IGSF11: variants seen among roughly 807,000 people sequenced by gnomAD.
IGSF11 encodes the protein immunoglobulin superfamily member 11.
Under a neutral mutation model 41.0 loss-of-function variants are expected in IGSF11, and 22 were observed. The observed-to-expected ratio is 0.54, with a 90% CI of 0.38 to 0.77. The LOEUF (loss-of-function observed/expected upper bound fraction) is 0.77, where lower values mean the gene tolerates loss of function less well. Ranked by LOEUF, IGSF11 falls within the 30% of genes least tolerant of loss-of-function variation. The pLI, the probability that IGSF11 is intolerant of heterozygous loss-of-function variation, is 0.00. For synonymous variants in IGSF11, 219 were observed against 201.3 expected (o/e 1.09, Z -0.74); for missense variants, 444 against 530.8 (o/e 0.84, Z 1.61).
At chr3:118,928,465 T>C in intron 3 of IGSF11, 44 bp downstream of exon 3, 1 of 1,491,868 alleles carries the variant, frequency 6.7e-7, no homozygotes, top group Non-Finnish European at 9.3e-7. Context: ...GAGAGTAGCT[T>C]CGTGAGTAAA....
At chr3:119,052,071 T>A (rs370567520) in intron 1 of IGSF11, among the ~76,000 whole-genome samples, 3 of 151,272 alleles carry the variant, frequency 2.0e-5, no homozygotes, top group South Asian at 4.2e-4. Flanking sequence ...CTCAAGGAAC[T>A]AGAAAAAAAG....
intron 1 of IGSF11, among the ~76,000 whole-genome samples, chr3:119,104,163 C>A (rs2076982367): frequency 6.6e-6 from 1 of 152,176 alleles, no homozygotes; most frequent in African/African-American, 2.4e-5. Flanking sequence ...TTGCCAATTA[C>A]AACCAGCATG....
chr3:119,030,428 C>A (rs1940287964), intron 1 of IGSF11, among the ~76,000 whole-genome samples: 1 of 152,098 alleles, frequency 6.6e-6, no homozygotes, highest in African/African-American at 2.4e-5. Flanking sequence ...AATTTTCTCT[C>A]TGTGGCTTAC....
Position 118,956,551 on chromosome 3 carries a change from G to T in IGSF11, c.53-26276C>A, listed in dbSNP as rs142799908. 3.3e-5 allele frequency among the ~76,000 whole-genome samples: 5 copies of T among 152,318 alleles called. No individual in the cohort carries two copies. In the East Asian group the frequency reaches 9.6e-4, roughly 29 times the overall value. ...TTTGTCTCAGGGAACAGGCAGGACA[G>T]AGGGGAGAAAGACAGGCAAACAGCT... On this transcript the variant is annotated intron_variant, in intron 1 of 6. Coordinates refer to ENST00000393775, the MANE Select transcript of IGSF11 (RefSeq NM_001015887.3).
chr3:119,009,590 C>T (rs1001570605), intron 1 of IGSF11, among the ~76,000 whole-genome samples: 1 of 152,196 alleles, frequency 6.6e-6, no homozygotes, highest in South Asian at 2.1e-4. Flanking sequence ...GCCTCCCAAG[C>T]AATGTGGAAC....
chr3:119,009,682 T>A (rs1937865231), intron 1 of IGSF11, among the ~76,000 whole-genome samples: 1 of 152,196 alleles, frequency 6.6e-6, no homozygotes, highest in African/African-American at 2.4e-5. Flanking sequence ...ACGAATACAA[T>A]GATCAACAGG....
chr3:118,934,524 T>G (rs1414774627), intron 1 of IGSF11, among the ~76,000 whole-genome samples: 1 of 152,188 alleles, frequency 6.6e-6, no homozygotes, highest in South Asian at 2.1e-4. Context: ...CCATCATGAA[T>G]TCAATTCTCA....
At chr3:118,947,908 TA>T (rs1944279729) in intron 1 of IGSF11, 2 of 152,234 alleles carry the variant, frequency 1.3e-5, no homozygotes, top group Non-Finnish European at 2.9e-5. Flanking sequence ...TTATACAGAT[TA>T]TTAAATATAG....
chr3:119,131,625 C>T (rs977536396), intron 1 of IGSF11, among the ~76,000 whole-genome samples: 1 of 152,204 alleles, frequency 6.6e-6, no homozygotes, highest in Non-Finnish European at 1.5e-5. Flanking sequence ...AGAAAACACT[C>T]TTCAGGATAT....
intron 1 of IGSF11, among the ~76,000 whole-genome samples, chr3:119,094,218 CGAAGTAAA>C (rs2076809896): frequency 7.5e-5 from 1 of 13,398 alleles, no homozygotes; most frequent in South Asian, 2.8e-3. Context: ...GACTACATAG[CGAAGTAAA>C]AAAAAAAAAA....
At chr3:119,004,055 T>C (rs1476589409) in intron 1 of IGSF11, among the ~76,000 whole-genome samples, 21 of 151,978 alleles carry the variant, frequency 1.4e-4, no homozygotes, top group Non-Finnish European at 8.8e-5. Flanking sequence ...TTCCTCCTTG[T>C]ACCTCTGGTA....
At chr3:118,968,577 G>A (rs1348169824) in intron 1 of IGSF11, among the ~76,000 whole-genome samples, 1 of 152,078 alleles carries the variant, frequency 6.6e-6, no homozygotes, top group Non-Finnish European at 1.5e-5. Flanking sequence ...GTCAAAAAGG[G>A]GATCCTAATT....
intron 1 of IGSF11, among the ~76,000 whole-genome samples, chr3:119,088,977 T>C (rs566542797): frequency 1.3e-5 from 2 of 152,218 alleles, no homozygotes; most frequent in South Asian, 2.1e-4. Flanking sequence ...TAAAAAGTCC[T>C]AGACCGGATG....
intron 5 of IGSF11, among the ~76,000 whole-genome samples, 191 bp from the exon 6 acceptor site, chr3:118,904,989 C>A (rs918541539): frequency 1.8e-4 from 27 of 152,282 alleles, no homozygotes; most frequent in Middle Eastern, 3.4e-3. Context: ...AGGACTAACA[C>A]ATAGTAGGCT....
At chr3:118,944,090 A>C (rs1943924831) in intron 1 of IGSF11, among the ~76,000 whole-genome samples, 1 of 152,200 alleles carries the variant, frequency 6.6e-6, no homozygotes, top group Admixed American at 6.5e-5. Flanking sequence ...CACTATTTTT[A>C]AAATTTTTCT....
intron 1 of IGSF11, among the ~76,000 whole-genome samples, chr3:119,001,004 C>CTGTT (rs1936769359): frequency 6.6e-6 from 1 of 152,108 alleles, no homozygotes; most frequent in Admixed American, 6.6e-5. Context: ...CCTATTCTGA[C>CTGTT]TGTTTCTCCA....
In IGSF11 at chr3:119,056,905, T is replaced by A. The variant is rs181737048; in HGVS notation, c.49+48239A>T. On this transcript the variant is annotated intron_variant, in intron 1 of 6. Coordinates refer to the IGSF11 transcript ENST00000354673. ...TATCTCAATAGATGCAGAAAAGGCC[T>A]TTGACAAAATTCAACAGCCCTTCAT... Among the ~76,000 whole-genome samples the A allele has an allele frequency of 3.1e-3, 472 of 152,306 alleles. 1 individual carries two copies. The highest frequency in any genetic ancestry group is 0.011 in the African/African-American group (442 of 41,546).
chr3:119,117,680 C>G (rs1413504351), intron 1 of IGSF11, among the ~76,000 whole-genome samples: 1 of 152,204 alleles, frequency 6.6e-6, no homozygotes, highest in African/African-American at 2.4e-5. Context: ...AAAGTCTTAA[C>G]TCATTTCAGC....
chr3:118,914,078 C>T (rs151324946), intron 4 of IGSF11, among the ~76,000 whole-genome samples: 2 of 151,828 alleles, frequency 1.3e-5, no homozygotes, highest in Non-Finnish European at 2.9e-5. Flanking sequence ...TTCTAGACTA[C>T]ATTAAATCAA....
Sources: gnomAD v4.1 joint callset for allele counts (sites outside exome capture counted in the v4.1 genomes callset) on GRCh38, gnomAD v4.1.1 for gene constraint, MANE v1.5 for transcripts, NCBI Gene and HGNC (gene_info 2026-07-23, HGNC 2026-07-21) for gene names.